Variants in UNC13C observed in about 807,000 individuals in gnomAD.
UNC13C encodes the protein unc-13 homolog C.
UNC13C carries 174 observed loss-of-function variants against 245.4 expected under a neutral mutation model. The observed-to-expected ratio is 0.71, with a 90% confidence interval of 0.63 to 0.80. The LOEUF (loss-of-function observed/expected upper bound fraction) is 0.80, where lower values mean the gene tolerates loss of function less well. Ranked by LOEUF, UNC13C falls within the 30% of genes least tolerant of loss-of-function variation. The probability of loss-of-function intolerance (pLI) is 0.00; values close to 1 mark genes in which losing one functional copy is unlikely to be tolerated. For synonymous variants in UNC13C, 992 were observed against 895.1 expected (o/e 1.11, Z -1.93); for missense variants, 2,829 against 2,602.9 (o/e 1.09, Z -1.89).
At chr15:54,381,717 G>C (rs1379208413) in intron 17 of UNC13C, among the ~76,000 whole-genome samples, 1 of 151,698 alleles carries the variant, frequency 6.6e-6, no homozygotes, top group Non-Finnish European at 1.5e-5. Context: ...TTATATATAT[G>C]CACCCAGATT....
At chr15:54,189,245 C>T (rs1259802230) in intron 4 of UNC13C, among the ~76,000 whole-genome samples, 1 of 152,040 alleles carries the variant, frequency 6.6e-6, no homozygotes, top group African/African-American at 2.4e-5. Context: ...AATTCTGTCT[C>T]CCAGATAAAT....
chr15:54,264,208 G>A lies in UNC13C; in HGVS notation c.3489G>A (p.Lys1163=). 6.3e-7 allele frequency: 1 copy of A among 1,591,672 alleles called. No individual in the cohort carries two copies. The highest frequency in any genetic ancestry group is 8.6e-7 in the Non-Finnish European group (1 of 1,168,344). ...GTTCTAAACATGGTGCCGAAGACAA[G>A]ACTCAGACCATTATTACAGCAATGA... is the stretch of plus-strand genomic sequence containing the variant. ...EKSSKHGAED[K]TQTIITAMKE... The change falls in exon 9 of 33, where the codon AAG becomes AAA. Residue 1163 remains lysine (K), a synonymous_variant. Transcript: ENST00000260323.
chr15:54,591,328 C>G (rs1898777396), intron 30 of UNC13C, among the ~76,000 whole-genome samples: 1 of 152,098 alleles, frequency 6.6e-6, no homozygotes, highest in Non-Finnish European at 1.5e-5. Context: ...AGGGTGCCTT[C>G]TTTCTCTGTC....
At chr15:53,866,699 C>T in the UNC13C span, among the ~76,000 whole-genome samples, 1 of 152,194 alleles carries the variant, frequency 6.6e-6, no homozygotes, top group African/African-American at 2.4e-5. Context: ...ATTGAAGCTA[C>T]TGCAAAGCAT....
At chr15:54,307,685 C>A (rs573037975) in intron 13 of UNC13C, among the ~76,000 whole-genome samples, 2 of 151,986 alleles carry the variant, frequency 1.3e-5, no homozygotes, top group Non-Finnish European at 2.9e-5. Context: ...GAGGGCCCCA[C>A]CCTTACTTGT....
chr15:54,552,083 C>T (rs1292164104), intron 28 of UNC13C, among the ~76,000 whole-genome samples: 1 of 150,286 alleles, frequency 6.7e-6, no homozygotes, highest in Non-Finnish European at 1.5e-5. Flanking sequence ...CCTAAAGGAA[C>T]ACAAGATCAA....
chr15:54,375,000 GAGATTT>G (rs1387400972), intron 17 of UNC13C, among the ~76,000 whole-genome samples: 1 of 152,222 alleles, frequency 6.6e-6, no homozygotes, highest in Non-Finnish European at 1.5e-5. Context: ...TAGATGATAA[GAGATTT>G]AGGTTATTTC....
At chr15:53,966,698 G>T in the UNC13C span, among the ~76,000 whole-genome samples, 36 of 151,662 alleles carry the variant, frequency 2.4e-4, no homozygotes, top group Admixed American at 2.4e-3. Flanking sequence ...GTATATCCTG[G>T]CATTGCTCTT....
chr15:54,164,590 A>C (rs180800604), intron 4 of UNC13C, among the ~76,000 whole-genome samples: 5 of 152,348 alleles, frequency 3.3e-5, no homozygotes, highest in African/African-American at 1.2e-4. Context: ...AGGTATTGCA[A>C]GTGGTTACAG....
intron 1 of UNC13C, among the ~76,000 whole-genome samples, chr15:53,986,369 C>T (rs571295588): frequency 9.2e-5 from 14 of 152,138 alleles, no homozygotes; most frequent in Non-Finnish European, 1.9e-4. Context: ...TTTTGTATTA[C>T]ATTTCTCTTA....
chr15:54,445,886 G>A (rs1207781572), intron 19 of UNC13C, among the ~76,000 whole-genome samples: 1 of 152,174 alleles, frequency 6.6e-6, no homozygotes, highest in Non-Finnish European at 1.5e-5. Context: ...GTCCGGAATG[G>A]TATTGCCTAG....
chr15:54,559,879 C>T (rs1336722278), intron 29 of UNC13C, among the ~76,000 whole-genome samples: 4 of 151,932 alleles, frequency 2.6e-5, no homozygotes, highest in Non-Finnish European at 1.5e-5. Context: ...GAAAGAGGAA[C>T]ATTGGATTGG....
chr15:54,447,018 C>T (rs1358050767), intron 19 of UNC13C, among the ~76,000 whole-genome samples: 4 of 152,124 alleles, frequency 2.6e-5, no homozygotes, highest in Non-Finnish European at 4.4e-5. Flanking sequence ...TGAATTTTGT[C>T]AAAGGCCTTT....
At chr15:53,960,116 C>T in the UNC13C span, among the ~76,000 whole-genome samples, 4 of 152,142 alleles carry the variant, frequency 2.6e-5, no homozygotes, top group African/African-American at 9.7e-5. Context: ...CTATTTTCCT[C>T]CATTTCATGC....
chr15:54,438,827 A>G (rs542671752), intron 19 of UNC13C, among the ~76,000 whole-genome samples: 1 of 152,056 alleles, frequency 6.6e-6, no homozygotes, highest in Non-Finnish European at 1.5e-5. Context: ...TCTGACCTCA[A>G]TAACCCTTCA....
At chr15:54,358,608 A>G (rs931451249) in intron 17 of UNC13C, among the ~76,000 whole-genome samples, 1 of 111,416 alleles carries the variant, frequency 9.0e-6, no homozygotes, top group African/African-American at 3.4e-5. Context: ...TTGATTTGAG[A>G]TAGTCTGTAA....
chr15:54,493,681 C>A (rs557373224), intron 19 of UNC13C, among the ~76,000 whole-genome samples: 7 of 152,040 alleles, frequency 4.6e-5, no homozygotes, highest in Non-Finnish European at 8.8e-5. Context: ...AGCAGAATTT[C>A]TCAGAGGGCA....
intron 7 of UNC13C, among the ~76,000 whole-genome samples, chr15:54,247,764 T>A (rs544456892): frequency 6.7e-6 from 1 of 149,554 alleles, no homozygotes; most frequent in African/African-American, 2.5e-5. Context: ...AAATGTTTCA[T>A]GTTTTTTTTT....
In UNC13C at chr15:54,335,314, T is replaced by C. The variant is rs138065463; in HGVS notation, c.4584+1458T>C. Among the ~76,000 whole-genome samples, 70 of 152,306 alleles carry C rather than the reference T, an allele frequency of 4.6e-4. No individual in the cohort carries two copies. The East Asian group carries it at 5.2e-3, about 11-fold the overall frequency. On this transcript the variant is annotated intron_variant, in intron 16 of 32. Transcript: ENST00000260323. ...TACTACCCCAGTTCATTTCCCTTAA[T>C]AGCAAAACTCCTTGAAATAGTCATC...
Sources: gnomAD v4.1 joint callset for allele counts (sites outside exome capture counted in the v4.1 genomes callset) on GRCh38, gnomAD v4.1.1 for gene constraint, MANE v1.5 for transcripts, NCBI Gene and HGNC (gene_info 2026-07-23, HGNC 2026-07-21) for gene names.